Variants in DOK5 observed in about 807,000 individuals in gnomAD.
DOK5 encodes the protein docking protein 5, also known as downstream of tyrosine kinase 5.
A neutral mutation model predicts 43.3 loss-of-function variants in DOK5; 27 were observed. That is an observed-to-expected ratio of 0.62 (90% CI 0.46 to 0.86). The LOEUF is 0.86. DOK5 is among the 40% of genes least tolerant of loss of function. DOK5 has a pLI of 0.00. For synonymous variants in DOK5, 146 were observed against 140.1 expected, an observed-to-expected ratio of 1.04 and a Z score of -0.30; for missense variants, 373 against 392.9, an observed-to-expected ratio of 0.95 and a Z score of 0.43.
chr20:54,642,967 A>G (rs1337526367), intron 6 of DOK5, among the ~76,000 whole-genome samples: 2 of 152,226 alleles, frequency 1.3e-5, no homozygotes, highest in Non-Finnish European at 2.9e-5. Flanking sequence ...TAACAACTCC[A>G]CGAGAAATCA....
intron 6 of DOK5, among the ~76,000 whole-genome samples, chr20:54,626,667 T>C (rs1987140524): frequency 6.6e-6 from 1 of 152,210 alleles, no homozygotes; most frequent in Non-Finnish European, 1.5e-5. Context: ...GATATGCACA[T>C]CTACATATAT....
At chr20:54,605,400 T>C (rs547283230) in intron 5 of DOK5, among the ~76,000 whole-genome samples, 1 of 152,334 alleles carries the variant, frequency 6.6e-6, no homozygotes, top group Non-Finnish European at 1.5e-5. Flanking sequence ...GTCTTGGTCT[T>C]GAATCTTCAC....
chr20:54,495,562 G>A (rs917533428), intron 1 of DOK5, among the ~76,000 whole-genome samples: 3 of 152,144 alleles, frequency 2.0e-5, no homozygotes, highest in Non-Finnish European at 4.4e-5. Flanking sequence ...TAGAAGTTAC[G>A]CTCACAAGCA....
At chr20:54,626,026 G>T (rs140323499) in intron 6 of DOK5, among the ~76,000 whole-genome samples, 1 of 152,236 alleles carries the variant, frequency 6.6e-6, no homozygotes, top group Non-Finnish European at 1.5e-5. Context: ...AAGGAGCACC[G>T]TTGTGGAGGC....
At chr20:54,613,192 ATCTCTCTC>A (rs11468450) in intron 6 of DOK5, among the ~76,000 whole-genome samples, 10,129 of 143,054 alleles carry the variant, frequency 0.071, 373 homozygotes, top group Middle Eastern at 0.11. Flanking sequence ...TCTGCGCCTC[ATCTCTCTC>A]TCTCTCTCTC....
rs1235412382 is a variant in DOK5, at chr20:54,650,477, T to C, written c.919T>C (p.Ter307ArgextTer2). ...ETFPAYRSEH[*>R] ...TTTTCCAGCCTACAGATCTGAGCAC[T>C]GACAGTAACTGCCAAGAATTGTTAA... The change falls in exon 8 of 8, where the codon TGA becomes CGA. Residue 307 changes from the stop codon to arginine (R), a stop_lost. Transcript: ENST00000262593. 6.2e-7 allele frequency: 1 copy of C among 1,613,924 alleles called. No homozygotes were observed. Among genetic ancestry groups the C allele is most frequent in the Non-Finnish European group, 8.5e-7 (1 of 1,179,910 alleles).
At chr20:54,575,174 G>A (rs768898991) in intron 2 of DOK5, among the ~76,000 whole-genome samples, 4 of 152,116 alleles carry the variant, frequency 2.6e-5, no homozygotes, top group Non-Finnish European at 4.4e-5. Flanking sequence ...AAACTAACAC[G>A]ATCTTTTCAA....
chr20:54,628,406 C>G (rs1978401967), intron 6 of DOK5, among the ~76,000 whole-genome samples: 1 of 51,568 alleles, frequency 1.9e-5, no homozygotes, highest in Non-Finnish European at 3.1e-5. Flanking sequence ...GAGACTCCGT[C>G]TCAAAAAAAA....
chr20:54,604,450 G>C (rs1247663980), intron 5 of DOK5, among the ~76,000 whole-genome samples: 2 of 151,242 alleles, frequency 1.3e-5, no homozygotes, highest in Non-Finnish European at 2.9e-5. Flanking sequence ...TTTAATTGCC[G>C]CATCAGTATG....
chr20:54,542,862 C>T (rs1600691073), intron 1 of DOK5, among the ~76,000 whole-genome samples: 1 of 152,174 alleles, frequency 6.6e-6, no homozygotes. Flanking sequence ...GTTCAGATTA[C>T]TGTTGCCAAA....
intron 1 of DOK5, among the ~76,000 whole-genome samples, chr20:54,514,040 C>A (rs1983105016): frequency 1.3e-5 from 2 of 152,148 alleles, no homozygotes; most frequent in Admixed American, 1.3e-4. Context: ...ACTCATTGTG[C>A]ACTGCAGGAT....
At chr20:54,623,484 G>A (rs929535616) in intron 6 of DOK5, among the ~76,000 whole-genome samples, 9 of 152,146 alleles carry the variant, frequency 5.9e-5, no homozygotes, top group Non-Finnish European at 1.0e-4. Flanking sequence ...GCCTGGTTTT[G>A]TTAGTTCACA....
At position 54,591,789 on chromosome 20, in the gene DOK5, A is replaced by G; in HGVS notation, c.583A>G (p.Thr195Ala). 2.5e-6 allele frequency: 4 copies of G among 1,611,820 alleles called. No homozygotes were observed. The highest frequency in any genetic ancestry group is 8.5e-7 in the Non-Finnish European group (1 of 1,179,354). The change falls in exon 5 of 8, where the codon ACT (threonine) becomes GCT (alanine). Residue 195 changes from threonine (T) to alanine (A), a missense_variant. Transcript: ENST00000262593. Reference sequence around the variant, plus strand: ...GTATGGACGTGATACTACGTGGTTCACTTTTGAGGCAGGGAGGTGAGTTTA... The same window carrying G: ...GTATGGACGTGATACTACGTGGTTCGCTTTTGAGGCAGGGAGGTGAGTTTA... ...RRYGRDTTWF[T>A]FEAGRMCETG...
chr20:54,495,772 C>T (rs919604932), intron 1 of DOK5, among the ~76,000 whole-genome samples: 3 of 152,072 alleles, frequency 2.0e-5, no homozygotes, highest in African/African-American at 4.8e-5. Flanking sequence ...ATTCCAGCTA[C>T]TTGGGAGGCT....
chr20:54,508,644 G>A (rs1600669758), intron 1 of DOK5, among the ~76,000 whole-genome samples: 2 of 152,094 alleles, frequency 1.3e-5, no homozygotes, highest in South Asian at 2.1e-4. Flanking sequence ...GCAATGGCGC[G>A]ATCTTGGCTC....
chr20:54,572,364 A>G (rs1985310984), intron 2 of DOK5, among the ~76,000 whole-genome samples: 1 of 151,962 alleles, frequency 6.6e-6, no homozygotes, highest in African/African-American at 2.4e-5. Context: ...GGGTTTCACC[A>G]TGTTAGCCAG....
chr20:54,617,815 G>C (rs1193578343), intron 6 of DOK5, among the ~76,000 whole-genome samples: 2 of 152,114 alleles, frequency 1.3e-5, no homozygotes, highest in Non-Finnish European at 2.9e-5. Context: ...CTACTTTATG[G>C]CACTTGCTAG....
intron 1 of DOK5, among the ~76,000 whole-genome samples, chr20:54,534,089 A>G (rs1186616410): frequency 6.6e-6 from 1 of 152,246 alleles, no homozygotes; most frequent in African/African-American, 2.4e-5. Context: ...ATTATAAAAC[A>G]TGGATGGTGG....
chr20:54,481,350 A>G (rs1021806628), intron 1 of DOK5, among the ~76,000 whole-genome samples: 8 of 151,976 alleles, frequency 5.3e-5, no homozygotes, highest in Admixed American at 5.2e-4. Context: ...TTATATTTTT[A>G]ATAGAGACAG....
Sources: gnomAD v4.1 joint callset for allele counts (sites outside exome capture counted in the v4.1 genomes callset) on GRCh38, gnomAD v4.1.1 for gene constraint, MANE v1.5 for transcripts, NCBI Gene and HGNC (gene_info 2026-07-23, HGNC 2026-07-21) for gene names.